The following MYO9A variants were observed in gnomAD, a reference collection of about 807,000 sequenced individuals.
The protein encoded by MYO9A is myosin IXA.
Under a neutral mutation model 293.3 loss-of-function variants are expected in MYO9A, and 103 were observed. The observed-to-expected ratio is 0.35, with a 90% CI of 0.30 to 0.41. The LOEUF is 0.41. Ranked by LOEUF, MYO9A falls within the 10% of genes least tolerant of loss-of-function variation. MYO9A has a pLI of 1.00. For synonymous variants in MYO9A, 1,001 were observed against 1,035.7 expected, an observed-to-expected ratio of 0.97 and a Z score of 0.64; for missense variants, 2,685 against 3,033.0, an observed-to-expected ratio of 0.89 and a Z score of 2.69.
rs148335175 is a variant in MYO9A, at chr15:71,832,140, G to A, written c.6838-1829C>T. ...GAAAATACAAAAATTAGCTCGGTGT[G>A]GTGGCATGCGCCTGTAGTCCCAGTA... On this transcript the variant is annotated intron_variant, in intron 39 of 41. Transcript: ENST00000356056. Among the ~76,000 whole-genome samples, 946 of 152,226 alleles carry A rather than the reference G, an allele frequency of 6.2e-3. 45 individuals are homozygous for A. Among genetic ancestry groups the A allele is most frequent in the Admixed American group, 0.055 (845 of 15,280 alleles).
intron 18 of MYO9A, among the ~76,000 whole-genome samples, chr15:71,924,054 ATTTC>A (rs2058224829): frequency 3.0e-5 from 1 of 32,960 alleles, no homozygotes; most frequent in South Asian, 1.5e-3. Flanking sequence ...TTGCATTCTC[ATTTC>A]TTTAAATTTT....
chr15:71,935,080 T>C (rs2058598748), intron 17 of MYO9A: 1 of 295,926 alleles, frequency 3.4e-6, no homozygotes. Context: ...ACCTTTATTA[T>C]CATCTCCATA....
intron 33 of MYO9A, among the ~76,000 whole-genome samples, chr15:71,861,701 A>AC (rs1491390090): frequency 4.8e-5 from 7 of 144,556 alleles, no homozygotes; most frequent in Non-Finnish European, 9.1e-5. Context: ...AAAAAAAAAA[A>AC]CAAATAAGTT....
chr15:71,898,473 G>A lies in MYO9A; in HGVS notation c.4030C>T (p.Leu1344=). Residue 1344 remains leucine, a synonymous_variant, in exon 25 of 42, where the codon CTA becomes TTA. Coordinates refer to ENST00000356056, the MANE Select transcript of MYO9A (RefSeq NM_006901.4). ...CCTTCATCTGAAATGACAGACTCTA[G>A]TTTGCTCTTTTGGCTTTCCTCATAG... is the stretch of plus-strand genomic sequence containing the variant. ...LSYEESQKSK[L]ESVISDEGDL... The A allele has an allele frequency of 6.2e-7, 1 of 1,613,970 alleles. No homozygotes were observed. Among genetic ancestry groups the A allele is most frequent in the African/African-American group, 1.3e-5 (1 of 75,012 alleles).
chr15:71,870,853 T>C (rs2056488361), intron 32 of MYO9A, among the ~76,000 whole-genome samples: 1 of 152,198 alleles, frequency 6.6e-6, no homozygotes, highest in African/African-American at 2.4e-5. Flanking sequence ...TTTCTAAATA[T>C]TTTGGATTCA....
intron 20 of MYO9A, 29 bp downstream of exon 20, chr15:71,904,897 A>C: frequency 1.3e-6 from 2 of 1,524,066 alleles, no homozygotes; most frequent in East Asian, 4.6e-5. Flanking sequence ...AAGCTGAGAT[A>C]TGTGCTCTCA....
intron 7 of MYO9A, 146 bp downstream of exon 7, chr15:72,010,204 A>T (rs979799169): frequency 1.8e-6 from 1 of 560,272 alleles, no homozygotes; most frequent in Non-Finnish European, 3.2e-6. Context: ...TAAAAAAAGG[A>T]ATTAGAAATA....
rs533452991 is a variant in MYO9A at position 72,061,415 on chromosome 15, T to C, written c.-71-14781A>G. On this transcript the variant is annotated intron_variant, in intron 1 of 41. Coordinates refer to ENST00000356056, the MANE Select transcript of MYO9A (RefSeq NM_006901.4). ...GTCCCTGATTTTAGGCCTTAGCTCA[T>C]GGACAGCATTTCCAGACCCACCCTG... Among the ~76,000 whole-genome samples the C allele has an allele frequency of 4.6e-5, 7 of 152,210 alleles. No homozygotes were observed. The East Asian group carries it at 1.2e-3, about 25-fold the overall frequency.
chr15:72,064,941 T>C (rs991006206), intron 1 of MYO9A, among the ~76,000 whole-genome samples: 6 of 152,302 alleles, frequency 3.9e-5, no homozygotes, highest in Middle Eastern at 6.8e-3. Context: ...GGACTTATAC[T>C]ACCAAATATC....
chr15:71,893,213 A>C, intron 26 of MYO9A: 3 of 1,216,082 alleles, frequency 2.5e-6, no homozygotes, highest in African/African-American at 1.6e-5. Flanking sequence ...TAACACAACA[A>C]TGTTTGGGGT....
chr15:72,108,492 A>G (rs1184472043), intron 1 of MYO9A, among the ~76,000 whole-genome samples: 1 of 152,240 alleles, frequency 6.6e-6, no homozygotes, highest in African/African-American at 2.4e-5. Flanking sequence ...AGACATTTCA[A>G]TGTCACAGGG....
chr15:71,862,884 T>G (rs567577202), intron 32 of MYO9A, among the ~76,000 whole-genome samples: 35 of 151,674 alleles, frequency 2.3e-4, no homozygotes, highest in Non-Finnish European at 4.9e-4. Context: ...AATGTTACAT[T>G]AAAAGCAGCA....
chr15:72,099,005 A>C (rs1162173098), intron 1 of MYO9A, among the ~76,000 whole-genome samples: 1 of 152,186 alleles, frequency 6.6e-6, no homozygotes, highest in African/African-American at 2.4e-5. Context: ...GAAATTAAAA[A>C]GAAAAAGAGG....
chr15:71,908,171 A>T (rs1047459571), intron 19 of MYO9A, among the ~76,000 whole-genome samples: 2 of 152,226 alleles, frequency 1.3e-5, no homozygotes, highest in Non-Finnish European at 2.9e-5. Flanking sequence ...ATGGCTAGAC[A>T]GTTTTCCCAG....
At chr15:71,966,759 A>G (rs910970413) in intron 13 of MYO9A, among the ~76,000 whole-genome samples, 1 of 152,206 alleles carries the variant, frequency 6.6e-6, no homozygotes, top group Admixed American at 6.5e-5. Context: ...GATCTTCCAG[A>G]TTCCACTCTT....
intron 32 of MYO9A, among the ~76,000 whole-genome samples, chr15:71,872,748 C>G (rs748708443): frequency 6.6e-6 from 1 of 152,112 alleles, no homozygotes; most frequent in Non-Finnish European, 1.5e-5. Flanking sequence ...TCAGTATACT[C>G]CCAGATATTT....
intron 1 of MYO9A, among the ~76,000 whole-genome samples, chr15:72,101,661 G>A (rs1341014246): frequency 6.0e-5 from 8 of 133,948 alleles, no homozygotes; most frequent in South Asian, 4.8e-4. Flanking sequence ...GGCCCCGCCC[G>A]GCCAGCCGCC....
At chr15:72,025,114 G>A (rs1345468474) in intron 4 of MYO9A, among the ~76,000 whole-genome samples, 2 of 151,712 alleles carry the variant, frequency 1.3e-5, no homozygotes, top group African/African-American at 4.8e-5. Flanking sequence ...GACACAAATA[G>A]GTTAAAAATA....
chr15:72,105,932 G>A (rs1441002596), intron 1 of MYO9A, among the ~76,000 whole-genome samples: 1 of 152,032 alleles, frequency 6.6e-6, no homozygotes, highest in Non-Finnish European at 1.5e-5. Flanking sequence ...CCGTATAATA[G>A]AATATTGTGT....
Sources: allele counts gnomAD v4.1 joint callset (sites outside exome capture counted in the v4.1 genomes callset), GRCh38; gene constraint gnomAD v4.1.1; transcripts MANE v1.5; gene names NCBI Gene and HGNC (gene_info 2026-07-23, HGNC 2026-07-21).